Variants in NTRK3 observed in about 807,000 individuals in gnomAD.
NTRK3 encodes neurotrophic receptor tyrosine kinase 3, also known as NT-3 growth factor receptor.
NTRK3 carries 24 observed loss-of-function variants against 91.7 expected under a neutral mutation model. The ratio of observed to expected loss-of-function variants is 0.26; its 90% CI spans 0.19 to 0.37. The LOEUF is 0.37. Among genes scored for constraint, NTRK3 ranks in the 10% least tolerant of loss-of-function variants. NTRK3 has a pLI of 1.00. For missense variants in NTRK3, 880 were observed against 1,068.9 expected (o/e 0.82, Z 2.46); for synonymous variants, 483 against 404.0 (o/e 1.20, Z -2.34).
At chr15:88,244,572 C>A (rs982267174) in intron 3 of NTRK3, among the ~76,000 whole-genome samples, 1 of 150,570 alleles carries the variant, frequency 6.6e-6, no homozygotes, top group Non-Finnish European at 1.5e-5. Flanking sequence ...TGGGAAAAAA[C>A]CAAGTGGGGC....
chr15:87,861,020 C>G (rs536173308), exon 19 of NTRK3: 8 of 225,542 alleles, frequency 3.5e-5, no homozygotes, highest in African/African-American at 1.6e-4. Flanking sequence ...TTTTTCTTTT[C>G]CAAAATCTGT....
rs537342173 is a variant in NTRK3, at chr15:87,894,384, T to C, written c.2134-13956A>G. ...ATGGGTTAGCTACATGTAATATACA[T>C]ACACACATCCATACACTGTGGGGAG... is the stretch of plus-strand genomic sequence containing the variant. On this transcript the variant is annotated intron_variant, in intron 17 of 18. Transcript: ENST00000394480. Among the ~76,000 whole-genome samples the C allele has an allele frequency of 7.2e-5, 11 of 152,332 alleles. No homozygotes were observed. The East Asian group carries it at 2.1e-3, about 29-fold the overall frequency.
intron 13 of NTRK3, among the ~76,000 whole-genome samples, chr15:88,094,402 G>A (rs944106768): frequency 4.0e-5 from 6 of 149,630 alleles, no homozygotes; most frequent in South Asian, 2.1e-4. Context: ...CCGGGAAGCG[G>A]AGCTTGCAGT....
intron 13 of NTRK3, among the ~76,000 whole-genome samples, chr15:88,125,442 C>G (rs1211141780): frequency 6.6e-6 from 1 of 152,324 alleles, no homozygotes; most frequent in East Asian, 1.9e-4. Flanking sequence ...GCTCAGCAAA[C>G]TGATAACTTA....
At chr15:87,878,500 G>C (rs2065057772) in intron 18 of NTRK3, among the ~76,000 whole-genome samples, 1 of 152,158 alleles carries the variant, frequency 6.6e-6, no homozygotes, top group Admixed American at 6.5e-5. Flanking sequence ...ATTCATATTA[G>C]AGACCCATTT....
exon 19 of NTRK3, chr15:87,869,029 A>G (rs1284976662): frequency 8.7e-6 from 2 of 228,906 alleles, no homozygotes; most frequent in African/African-American, 2.2e-5. Flanking sequence ...CTTTTAAACC[A>G]TTTCACTTTG....
intron 3 of NTRK3, among the ~76,000 whole-genome samples, chr15:88,191,518 A>G (rs1259064009): frequency 4.6e-5 from 7 of 152,202 alleles, no homozygotes; most frequent in Non-Finnish European, 1.0e-4. Context: ...AAGATTGCAT[A>G]CAGGTGTCCC....
intron 14 of NTRK3, among the ~76,000 whole-genome samples, chr15:88,028,985 T>C (rs2078288022): frequency 6.6e-6 from 1 of 152,188 alleles, no homozygotes; most frequent in African/African-American, 2.4e-5. Context: ...GGTCCAATGT[T>C]GCTACAAATA....
At chr15:88,140,493 G>A (rs937000987) in intron 6 of NTRK3, among the ~76,000 whole-genome samples, 2 of 152,154 alleles carry the variant, frequency 1.3e-5, no homozygotes, top group Non-Finnish European at 1.5e-5. Context: ...CAAACTTTTG[G>A]TTTCAGAACT....
intron 3 of NTRK3, among the ~76,000 whole-genome samples, chr15:88,249,023 C>T (rs1266633272): frequency 6.6e-6 from 1 of 152,154 alleles, no homozygotes; most frequent in Non-Finnish European, 1.5e-5. Context: ...GAGGCCATGC[C>T]TGGAGGAGCT....
At chr15:88,114,427 A>C (rs922467276) in intron 13 of NTRK3, among the ~76,000 whole-genome samples, 12 of 149,454 alleles carry the variant, frequency 8.0e-5, no homozygotes, top group African/African-American at 2.5e-4. Context: ...TTACAACAAC[A>C]AAAAAAAATG....
intron 13 of NTRK3, among the ~76,000 whole-genome samples, chr15:88,119,394 T>C (rs547353931): frequency 6.4e-4 from 97 of 152,352 alleles, no homozygotes; most frequent in African/African-American, 1.8e-3. Context: ...GTGGATCTGC[T>C]ACAAACCTAA....
intron 3 of NTRK3, among the ~76,000 whole-genome samples, chr15:88,198,096 T>C (rs886693971): frequency 6.6e-6 from 1 of 152,182 alleles, no homozygotes; most frequent in Admixed American, 6.5e-5. Flanking sequence ...AGAATGTTTA[T>C]TTTCCTCTTC....
At chr15:88,136,341 C>T (rs1426939375) in intron 8 of NTRK3, 126 bp downstream of exon 8, 2 of 1,224,360 alleles carry the variant, frequency 1.6e-6, no homozygotes, top group East Asian at 2.4e-5. Flanking sequence ...AATATTGCAG[C>T]TGCATGTAAC....
intron 13 of NTRK3, among the ~76,000 whole-genome samples, chr15:88,096,198 G>A (rs1427033103): frequency 1.3e-5 from 2 of 151,916 alleles, no homozygotes; most frequent in African/African-American, 4.8e-5. Flanking sequence ...GTTTATTCCA[G>A]CATGGGACAA....
chr15:88,013,271 G>A (rs555425169), intron 14 of NTRK3, among the ~76,000 whole-genome samples: 7 of 152,282 alleles, frequency 4.6e-5, no homozygotes, highest in Admixed American at 3.3e-4. Context: ...AATCATACCC[G>A]CATCTTCCTC....
intron 6 of NTRK3, chr15:88,144,063 A>C (rs1276372722): frequency 1.3e-5 from 2 of 152,162 alleles, no homozygotes; most frequent in East Asian, 3.9e-4. Flanking sequence ...TTCAGAATCT[A>C]AGCTTCTTTT....
intron 13 of NTRK3, among the ~76,000 whole-genome samples, chr15:88,088,614 T>A (rs897962365): frequency 1.3e-5 from 2 of 152,214 alleles, no homozygotes; most frequent in Non-Finnish European, 2.9e-5. Context: ...TATCATATAA[T>A]ACATAGTCAT....
At chr15:88,047,592 G>A (rs781687472) in intron 13 of NTRK3, among the ~76,000 whole-genome samples, 5 of 152,108 alleles carry the variant, frequency 3.3e-5, no homozygotes, top group East Asian at 3.9e-4. Context: ...TCACCTTCAC[G>A]GTACCTCCTC....
Sources: gnomAD v4.1 joint callset for allele counts (sites outside exome capture counted in the v4.1 genomes callset) on GRCh38, gnomAD v4.1.1 for gene constraint, MANE v1.5 for transcripts, NCBI Gene and HGNC (gene_info 2026-07-23, HGNC 2026-07-21) for gene names.